The following PDCD6IP variants were observed in gnomAD, a reference collection of about 807,000 sequenced individuals.
PDCD6IP encodes programmed cell death 6-interacting protein.
Under a neutral mutation model 103.7 loss-of-function variants are expected in PDCD6IP, and 43 were observed. That is an observed-to-expected ratio of 0.41 (90% confidence interval 0.32 to 0.53). The LOEUF is 0.53. Ranked by LOEUF, PDCD6IP falls within the 20% of genes least tolerant of loss-of-function variation. The pLI, the probability that PDCD6IP is intolerant of heterozygous loss-of-function variation, is 0.16. For missense variants in PDCD6IP, 871 were observed against 1,036.7 expected (o/e 0.84, Z 2.20); for synonymous variants, 354 against 378.7 (o/e 0.93, Z 0.76).
chr3:33,850,198 A>G (rs1315263733), intron 12 of PDCD6IP, among the ~76,000 whole-genome samples: 2 of 152,174 alleles, frequency 1.3e-5, no homozygotes, highest in Non-Finnish European at 2.9e-5. Context: ...TCTTAGTAGT[A>G]ACCTGTCCTT....
At chr3:33,843,480 C>A (rs1267704453) in intron 10 of PDCD6IP, among the ~76,000 whole-genome samples, 1 of 152,000 alleles carries the variant, frequency 6.6e-6, no homozygotes, top group African/African-American at 2.4e-5. Context: ...AGAGCATTGT[C>A]AAAAAAGAAG....
At chr3:33,857,623 A>C (rs1302361003) in intron 15 of PDCD6IP, among the ~76,000 whole-genome samples, 1 of 152,138 alleles carries the variant, frequency 6.6e-6, no homozygotes, top group African/African-American at 2.4e-5. Context: ...ATTATTGACC[A>C]AGGGGAGGGG....
At position 33,836,083 on chromosome 3, in the gene PDCD6IP, G is replaced by T. The variant is rs950084927; in HGVS notation, c.874G>T (p.Asp292Tyr). 1.2e-6 allele frequency: 2 copies of T among 1,611,810 alleles called. No homozygotes were observed. Among genetic ancestry groups the T allele is most frequent in the Non-Finnish European group, 8.5e-7 (1 of 1,178,248 alleles). Residue 292 changes from aspartate (D) to tyrosine (Y), a missense_variant, in exon 8 of 18, where the codon GAT becomes TAT. Transcript: ENST00000307296. ...ELIKTVASRY[D>Y]EYVNVKDFSD... ...GATTAAAACAGTGGCATCTCGCTAT[G>T]ATGAATATGTTAATGTGAAGGATTT... is the stretch of plus-strand genomic sequence containing the variant.
intron 1 of PDCD6IP, among the ~76,000 whole-genome samples, chr3:33,810,097 C>T (rs925282682): frequency 5.3e-5 from 8 of 152,078 alleles, no homozygotes; most frequent in Non-Finnish European, 1.5e-5. Flanking sequence ...ATGTAATATC[C>T]TGTTTCATTA....
At chr3:33,838,502 A>G (rs1181116111) in intron 9 of PDCD6IP, among the ~76,000 whole-genome samples, 175 bp downstream of exon 9, 2 of 152,202 alleles carry the variant, frequency 1.3e-5, no homozygotes, top group African/African-American at 4.8e-5. Flanking sequence ...TCTAGCAAAT[A>G]TAGTTGGAAG....
chr3:33,825,129 CAG>C, intron 4 of PDCD6IP, 56 bp from the exon 5 acceptor site: 1 of 1,404,716 alleles, frequency 7.1e-7, no homozygotes, highest in Non-Finnish European at 9.9e-7. Flanking sequence ...TTATATGTAA[CAG>C]TAGGAAATTA....
At chr3:33,810,663 T>C (rs549261947) in intron 1 of PDCD6IP, among the ~76,000 whole-genome samples, 31 of 152,300 alleles carry the variant, frequency 2.0e-4, no homozygotes, top group African/African-American at 6.7e-4. Flanking sequence ...AAAAACTAGC[T>C]GGGTGTGGTG....
chr3:33,824,659 G>A (rs1697072246), intron 4 of PDCD6IP, among the ~76,000 whole-genome samples: 1 of 152,216 alleles, frequency 6.6e-6, no homozygotes, highest in Non-Finnish European at 1.5e-5. Context: ...AAATATAATT[G>A]AGATGAAAAA....
chr3:33,821,765 A>G (rs1457908781), intron 3 of PDCD6IP, among the ~76,000 whole-genome samples, 190 bp from the exon 4 acceptor site: 1 of 152,214 alleles, frequency 6.6e-6, no homozygotes, highest in Non-Finnish European at 1.5e-5. Flanking sequence ...TGATGGGAAT[A>G]TTGTTGTGGA....
At chr3:33,842,746 A>C (rs1392037045) in intron 10 of PDCD6IP, among the ~76,000 whole-genome samples, 1 of 152,212 alleles carries the variant, frequency 6.6e-6, no homozygotes, top group Non-Finnish European at 1.5e-5. Flanking sequence ...CGGTCATGGC[A>C]CATTTGTTAA....
At chr3:33,859,932 G>A (rs1025622494) in intron 15 of PDCD6IP, among the ~76,000 whole-genome samples, 4 of 152,154 alleles carry the variant, frequency 2.6e-5, no homozygotes, top group African/African-American at 9.7e-5. Flanking sequence ...AGTGACCAGG[G>A]CTGGTGAAAT....
rs1698128732 is a variant in PDCD6IP, at chr3:33,869,035, C to T, written c.*2510C>T. On this transcript the variant is annotated 3_prime_UTR_variant, in exon 18 of 18. Coordinates refer to ENST00000307296, the MANE Select transcript of PDCD6IP (RefSeq NM_013374.6). ...CCCAGCTTGTTTGCAATTTATAAAC[C>T]TCCCCTTCAAAACTAAGGAGTTGCA... 6.6e-6 allele frequency: 1 copy of T among 152,136 alleles called. No homozygotes were observed. The highest frequency in any genetic ancestry group is 2.4e-5 in the African/African-American group (1 of 41,434). The allele number at this position is 152,136 out of a possible 1,614,324, so 9.4% of individuals were successfully genotyped here. A position where few individuals can be genotyped will look rare whatever the true frequency, so the allele number is the denominator to read the frequency against.
intron 1 of PDCD6IP, among the ~76,000 whole-genome samples, chr3:33,807,512 A>T (rs374476484): frequency 6.6e-6 from 1 of 152,112 alleles, no homozygotes; most frequent in African/African-American, 2.4e-5. Flanking sequence ...GTATAATCTC[A>T]GTCTGGAAAT....
At chr3:33,832,834 A>G (rs1697270774) in intron 7 of PDCD6IP, among the ~76,000 whole-genome samples, 1 of 151,762 alleles carries the variant, frequency 6.6e-6, no homozygotes, top group African/African-American at 2.4e-5. Flanking sequence ...TGTTTCCTAA[A>G]TTTTGTCATT....
chr3:33,815,019 T>C (rs946458453), intron 3 of PDCD6IP, among the ~76,000 whole-genome samples: 2 of 148,190 alleles, frequency 1.3e-5, no homozygotes, highest in Non-Finnish European at 3.0e-5. Flanking sequence ...CATTAAGATA[T>C]GCTATAATAT....
Position 33,798,777 on chromosome 3 carries a change from C to T in PDCD6IP, c.49C>T (p.Leu17=). ...VQLKKTSEVD[L]AKPLVKFIQQ... ...GCTGAAAAAGACCTCAGAGGTGGAC[C>T]TGGCCAAGCCGCTGGTGAAGTTCAT... Residue 17 remains leucine (L), a synonymous_variant, in exon 1 of 18, where the codon CTG becomes TTG. Coordinates refer to ENST00000307296, the MANE Select transcript of PDCD6IP (RefSeq NM_013374.6). 7.0e-6 allele frequency: 11 copies of T among 1,574,160 alleles called. No homozygotes were observed. Among genetic ancestry groups the T allele is most frequent in the Non-Finnish European group, 9.5e-6 (11 of 1,160,810 alleles).
rs1181146262 is a variant in PDCD6IP at position 33,867,197 on chromosome 3, TTAG to T, written c.*675_*677del. On this transcript the variant is annotated 3_prime_UTR_variant, in exon 18 of 18. Transcript: ENST00000307296. Reference sequence around the variant, plus strand: ...TCATACTTTATCTTTCGTATGCTGATTAGTAAACGATTTTTGACATTTATTTTA... The same window carrying T: ...TCATACTTTATCTTTCGTATGCTGATTAAACGATTTTTGACATTTATTTTA... The T allele has an allele frequency of 1.3e-5, 2 of 152,184 alleles. No homozygotes were observed. The highest frequency in any genetic ancestry group is 4.8e-5 in the African/African-American group (2 of 41,452). The allele number at this position is 152,184 out of a possible 1,614,324, so 9.4% of individuals were successfully genotyped here. A position where few individuals can be genotyped will look rare whatever the true frequency, so the allele number is the denominator to read the frequency against.
chr3:33,798,816 C>A lies in PDCD6IP; in HGVS notation c.88C>A (p.Pro30Thr). ...PLVKFIQQTY[P>T]SGGEEQAQYC... ...GGTGAAGTTCATCCAGCAGACTTAC[C>A]CAAGCGGCGGGGAAGAGCAGGCCCA... Residue 30 changes from proline (P) to threonine (T), a missense_variant, in exon 1 of 18, where the codon CCA becomes ACA. By Grantham distance (38) the Pro-to-Thr change is conservative (BLOSUM62 -1). This residue lies in a region of PDCD6IP where 114 missense variants were observed against 106.7 expected (regional missense o/e 1.07). Transcript: ENST00000307296. 1 of 1,565,928 alleles carries A rather than the reference C, an allele frequency of 6.4e-7. No individual in the cohort carries two copies.
At chr3:33,840,593 A>G (rs1697446909) in intron 9 of PDCD6IP, among the ~76,000 whole-genome samples, 2 of 152,146 alleles carry the variant, frequency 1.3e-5, no homozygotes, top group African/African-American at 4.8e-5. Flanking sequence ...TACAGAGCTT[A>G]TTTTCTGAGG....
Sources: allele counts gnomAD v4.1 joint callset (sites outside exome capture counted in the v4.1 genomes callset), GRCh38; gene constraint gnomAD v4.1.1; regional missense constraint gnomAD v4.1.1; transcripts MANE v1.5; gene names NCBI Gene and HGNC (gene_info 2026-07-23, HGNC 2026-07-21).